Variants in PLD5 observed in about 807,000 individuals in gnomAD.
The protein encoded by PLD5 is inactive phospholipase D5.
Under a neutral mutation model 61.1 loss-of-function variants are expected in PLD5, and 36 were observed. That is an observed-to-expected ratio of 0.59 (90% CI 0.45 to 0.78). The LOEUF (loss-of-function observed/expected upper bound fraction) is 0.78, where lower values mean the gene tolerates loss of function less well. Ranked by LOEUF, PLD5 falls within the 30% of genes least tolerant of loss-of-function variation. The pLI is 0.00. For missense variants in PLD5, 515 were observed against 644.4 expected (o/e 0.80, Z 2.17); for synonymous variants, 243 against 242.8 (o/e 1.00, Z -0.01).
At position 242,108,392 on chromosome 1, in the gene PLD5, T is replaced by TCCAACAGGCAAAGTTTCC. The variant is rs1375737224; in HGVS notation, c.1071-571_1071-554dup. Among the ~76,000 whole-genome samples the TCCAACAGGCAAAGTTTCC allele has an allele frequency of 4.7e-4, 71 of 152,274 alleles. 2 individuals carry two copies. Among genetic ancestry groups the TCCAACAGGCAAAGTTTCC allele is most frequent in the African/African-American group, 1.7e-3 (71 of 41,554 alleles). On this transcript the variant is annotated intron_variant, in intron 7 of 9. Transcript: ENST00000536534. ...GTTTTCTGCAGGGTCTTTGGAATCTTCCAACAGGCAAAGTTTCCCCAACAG... is the reference window on the plus strand; with the variant it reads ...GTTTTCTGCAGGGTCTTTGGAATCTTCCAACAGGCAAAGTTTCCCCAACAGGCAAAGTTTCCCCAACAG...
In PLD5 at chr1:242,325,317, G is replaced by A. The variant is rs560518593; in HGVS notation, c.326+22789C>T. Among the ~76,000 whole-genome samples, 206 of 150,642 alleles carry A rather than the reference G, an allele frequency of 1.4e-3. 3 individuals are homozygous for A. In the South Asian group the frequency reaches 0.042, roughly 31 times the overall value. On this transcript the variant is annotated intron_variant, in intron 2 of 9. Transcript: ENST00000536534. ...AGCAGGGATCTAAATGATGGTGACT[G>A]GGCTGACTCCATAGGTAAGGGTGTT...
At chr1:242,384,567 T>G (rs1662487966) in intron 1 of PLD5, among the ~76,000 whole-genome samples, 1 of 152,242 alleles carries the variant, frequency 6.6e-6, no homozygotes, top group African/African-American at 2.4e-5. Context: ...GAATTAACAT[T>G]GCCACAATGA....
At chr1:242,300,458 GAA>G (rs1675966471) in intron 2 of PLD5, among the ~76,000 whole-genome samples, 1 of 1,094 alleles carries the variant, frequency 9.1e-4, no homozygotes, top group Non-Finnish European at 5.3e-3. Context: ...GAAGAAGAAA[GAA>G]AGAAAGAAAG....
At chr1:242,120,188 G>A (rs190366355) in intron 6 of PLD5, among the ~76,000 whole-genome samples, 23 of 152,120 alleles carry the variant, frequency 1.5e-4, no homozygotes, top group African/African-American at 5.6e-4. Context: ...AATAGTGACG[G>A]CTAATCAGTA....
At position 242,238,366 on chromosome 1, in the gene PLD5, T is replaced by C. The variant is rs114745379; in HGVS notation, c.608-18251A>G. ...GCACTTCATGGATACTCTGCATCCA[T>C]TGCCCCGTCAGCCCAGCTGCCCTAT... On this transcript the variant is annotated intron_variant, in intron 4 of 9. Coordinates refer to ENST00000536534, the MANE Select transcript of PLD5 (RefSeq NM_001372062.1). Among the ~76,000 whole-genome samples, 674 of 152,308 alleles carry C rather than the reference T, an allele frequency of 4.4e-3. 3 individuals are homozygous for C. The highest frequency in any genetic ancestry group is 7.5e-3 in the Non-Finnish European group (513 of 68,022).
At chr1:242,124,417 G>A (rs746091574) in intron 6 of PLD5, 51 bp downstream of exon 6, 1 of 1,537,626 alleles carries the variant, frequency 6.5e-7, no homozygotes, top group Non-Finnish European at 8.9e-7. Context: ...ACTTAATAAA[G>A]AGCCTTTGGA....
chr1:242,322,175 G>A lies in PLD5; in HGVS notation c.326+25931C>T, dbSNP rs111874165. 6.0e-4 allele frequency among the ~76,000 whole-genome samples: 91 copies of A among 152,270 alleles called. 1 individual carries two copies. Among genetic ancestry groups the A allele is most frequent in the Admixed American group, 5.8e-3 (89 of 15,294 alleles). ...AGCCGGGGCTTCACAGCTTTGGAGC[G>A]TTGACTCCGCACCAGGCACTAGGCA... is the stretch of plus-strand genomic sequence containing the variant. On this transcript the variant is annotated intron_variant, in intron 2 of 9. Transcript: ENST00000536534.
intron 7 of PLD5, among the ~76,000 whole-genome samples, chr1:242,110,480 A>G (rs1233159326): frequency 6.6e-6 from 1 of 152,082 alleles, no homozygotes; most frequent in Admixed American, 6.6e-5. Flanking sequence ...TATGCTGTTC[A>G]TGCTTTAATC....
intron 4 of PLD5, among the ~76,000 whole-genome samples, chr1:242,262,257 G>C (rs1029917149): frequency 1.3e-5 from 2 of 152,146 alleles, no homozygotes; most frequent in African/African-American, 4.8e-5. Context: ...GAAAGATAAA[G>C]GTAATCTATG....
chr1:242,483,778 A>T (rs1490616329), intron 1 of PLD5, among the ~76,000 whole-genome samples: 2 of 152,168 alleles, frequency 1.3e-5, no homozygotes, highest in Non-Finnish European at 2.9e-5. Context: ...ACCACACCAC[A>T]CCTATTCCAA....
intron 5 of PLD5, among the ~76,000 whole-genome samples, chr1:242,170,109 AGT>A (rs1371123112): frequency 1.9e-4 from 29 of 152,346 alleles, no homozygotes; most frequent in African/African-American, 7.0e-4. Flanking sequence ...TCTTCAAGTT[AGT>A]CCTTGACTCT....
At chr1:242,425,276 A>G (rs1665355887) in intron 1 of PLD5, among the ~76,000 whole-genome samples, 1 of 152,228 alleles carries the variant, frequency 6.6e-6, no homozygotes, top group Admixed American at 6.5e-5. Context: ...CTCCCAGGAT[A>G]TATGGTAGAG....
At chr1:242,507,420 T>C (rs931752332) in intron 1 of PLD5, among the ~76,000 whole-genome samples, 9 of 152,206 alleles carry the variant, frequency 5.9e-5, no homozygotes, top group African/African-American at 1.9e-4. Flanking sequence ...CCCCCAATTC[T>C]TCTTAGGAAG....
intron 1 of PLD5, among the ~76,000 whole-genome samples, chr1:242,515,226 G>A (rs187965847): frequency 1.3e-5 from 2 of 152,118 alleles, no homozygotes; most frequent in Admixed American, 1.3e-4. Flanking sequence ...GTGTGAGAGA[G>A]AGAGAGTGTG....
intron 2 of PLD5, among the ~76,000 whole-genome samples, chr1:242,306,244 T>C (rs1183366976): frequency 1.1e-5 from 1 of 91,432 alleles, no homozygotes; most frequent in East Asian, 3.4e-4. Flanking sequence ...TTCCTGCCAG[T>C]CATCAGCTTG....
chr1:242,382,435 G>A (rs1231368469), intron 1 of PLD5, among the ~76,000 whole-genome samples: 3 of 152,142 alleles, frequency 2.0e-5, no homozygotes, highest in African/African-American at 4.8e-5. Context: ...CAGAAAGACA[G>A]GAGAGACTGT....
chr1:242,490,435 C>G (rs552079975), intron 1 of PLD5, among the ~76,000 whole-genome samples: 2 of 152,260 alleles, frequency 1.3e-5, no homozygotes, highest in South Asian at 4.2e-4. Context: ...CAGTCTTTCT[C>G]TTAAATATAA....
intron 5 of PLD5, among the ~76,000 whole-genome samples, chr1:242,175,058 T>C (rs926784583): frequency 1.3e-5 from 2 of 151,804 alleles, no homozygotes; most frequent in Non-Finnish European, 2.9e-5. Context: ...AAAAAACTAT[T>C]CCAAACAATA....
At chr1:242,306,333 T>C (rs1311347761) in intron 2 of PLD5, among the ~76,000 whole-genome samples, 2 of 151,214 alleles carry the variant, frequency 1.3e-5, no homozygotes, top group East Asian at 2.0e-4. Flanking sequence ...CACACACACA[T>C]AGTACTTGAT....
Sources: gnomAD v4.1 joint callset for allele counts (sites outside exome capture counted in the v4.1 genomes callset) on GRCh38, gnomAD v4.1.1 for gene constraint, MANE v1.5 for transcripts, NCBI Gene and HGNC (gene_info 2026-07-23, HGNC 2026-07-21) for gene names.